The following IQSEC1 variants were observed in gnomAD, a reference collection of about 807,000 sequenced individuals.
IQSEC1 encodes the protein IQ motif and SEC7 domain-containing protein 1.
IQSEC1 carries 31 observed loss-of-function variants against 91.0 expected under a neutral mutation model. That is an observed-to-expected ratio of 0.34 (90% CI 0.26 to 0.46). The LOEUF (loss-of-function observed/expected upper bound fraction) is 0.46, where lower values mean the gene tolerates loss of function less well. Ranked by LOEUF, IQSEC1 falls within the 20% of genes least tolerant of loss-of-function variation. IQSEC1 has a pLI of 1.00. For synonymous variants in IQSEC1, 699 were observed against 662.6 expected (o/e 1.05, Z -0.84); for missense variants, 1,388 against 1,575.6 (o/e 0.88, Z 2.02).
At chr3:13,071,671 A>G (rs1303799603) in intron 1 of IQSEC1, among the ~76,000 whole-genome samples, 2 of 152,192 alleles carry the variant, frequency 1.3e-5, no homozygotes, top group African/African-American at 2.4e-5. Flanking sequence ...CTTCTCCACT[A>G]AAAAAGCAAG....
intron 1 of IQSEC1, among the ~76,000 whole-genome samples, chr3:13,167,479 C>T (rs1275427390): frequency 2.6e-5 from 4 of 152,092 alleles, no homozygotes; most frequent in Non-Finnish European, 5.9e-5. Flanking sequence ...TGGCTGAAGG[C>T]TGCTCCTGGG....
At chr3:13,263,862 C>T (rs1306636318) in intron 1 of IQSEC1, among the ~76,000 whole-genome samples, 1 of 152,134 alleles carries the variant, frequency 6.6e-6, no homozygotes, top group South Asian at 2.1e-4. Context: ...TGCTGGTGAC[C>T]TCAGCCAAGC....
In IQSEC1 at chr3:12,909,254, C is replaced by T; in HGVS notation, c.2578+19G>A. 1 of 1,612,310 alleles carries T rather than the reference C, an allele frequency of 6.2e-7. No homozygotes were observed. Among genetic ancestry groups the T allele is most frequent in the East Asian group, 2.2e-5 (1 of 44,852 alleles). ...GTCTGGCAAGTCTCGGCCTTCTGTC[C>T]ATGAGGCCTGGTACTCACACTCTAT... On this transcript the variant is annotated intron_variant, in intron 11 of 13. Coordinates refer to ENST00000613206, the MANE Select transcript of IQSEC1 (RefSeq NM_001134382.3). The surrounding 1 kb of genome is among the most constrained non-coding windows in gnomAD (Gnocchi z 4.9).
chr3:13,218,636 T>C (rs1477517926), intron 1 of IQSEC1, among the ~76,000 whole-genome samples: 1 of 152,254 alleles, frequency 6.6e-6, no homozygotes, highest in Non-Finnish European at 1.5e-5. Context: ...TCATGTGCTC[T>C]ATTTGCTCCT....
At chr3:13,239,395 C>A (rs908455290) in intron 1 of IQSEC1, among the ~76,000 whole-genome samples, 1 of 152,224 alleles carries the variant, frequency 6.6e-6, no homozygotes, top group Admixed American at 6.5e-5. Context: ...GGCACACCGC[C>A]GGGCGTGGTC....
intron 1 of IQSEC1, among the ~76,000 whole-genome samples, chr3:13,226,545 A>G (rs1181305138): frequency 2.6e-5 from 4 of 151,434 alleles, no homozygotes; most frequent in Non-Finnish European, 2.9e-5. Flanking sequence ...TGAGGTCAGG[A>G]GTTCAAGACC....
chr3:13,055,098 C>A (rs780871664), intron 1 of IQSEC1, among the ~76,000 whole-genome samples: 1 of 152,228 alleles, frequency 6.6e-6, no homozygotes, highest in African/African-American at 2.4e-5. Context: ...GCCCTGCCTG[C>A]GGGCTTGGGG....
At chr3:13,082,832 T>C (rs1705667879) in intron 2 of IQSEC1, among the ~76,000 whole-genome samples, 1 of 152,248 alleles carries the variant, frequency 6.6e-6, no homozygotes, top group East Asian at 1.9e-4. Context: ...CCCCGACTCA[T>C]GCCACTCCAG....
exon 1 of IQSEC1, among the ~76,000 whole-genome samples, chr3:13,283,159 C>A (rs1695833078): frequency 6.9e-6 from 1 of 145,252 alleles, no homozygotes; most frequent in Non-Finnish European, 1.5e-5. Flanking sequence ...TCCTGCTCCC[C>A]GCGCCGCCGC....
At chr3:12,919,316 GCTCTAAGC>G (rs1244958404) in intron 6 of IQSEC1, among the ~76,000 whole-genome samples, 2 of 152,334 alleles carry the variant, frequency 1.3e-5, no homozygotes, top group East Asian at 3.9e-4. Context: ...CTGTCCATGA[GCTCTAAGC>G]CACGCCCCAG....
At chr3:13,236,606 C>T (rs1036248932) in intron 1 of IQSEC1, among the ~76,000 whole-genome samples, 2 of 152,194 alleles carry the variant, frequency 1.3e-5, no homozygotes, top group Non-Finnish European at 2.9e-5. Flanking sequence ...CTCACTGAGC[C>T]AACCATCCCC....
In IQSEC1 at chr3:12,935,303, G is replaced by A; in HGVS notation, c.1568+145C>T. 1 of 772,724 alleles carries A rather than the reference G, an allele frequency of 1.3e-6. No individual in the cohort carries two copies. The highest frequency in any genetic ancestry group is 2.1e-6 in the Non-Finnish European group (1 of 485,406). 47.9% of individuals were successfully genotyped at this position (772,724 alleles called of 1,614,324 possible). A position where few individuals can be genotyped will look rare whatever the true frequency, so the allele number is the denominator to read the frequency against. On this transcript the variant is annotated intron_variant, in intron 3 of 13. Transcript: ENST00000613206. This position sits in a 1 kb window ranked among gnomAD's most constrained non-coding sequence, Gnocchi z 8.0. ...CAGCGCACAGGCTGGCACCGTCCTA[G>A]CCACCGACCTTGTGTGGCAGCTTCC...
At chr3:13,202,804 C>T (rs1342507536) in intron 1 of IQSEC1, among the ~76,000 whole-genome samples, 1 of 152,142 alleles carries the variant, frequency 6.6e-6, no homozygotes, top group Non-Finnish European at 1.5e-5. Context: ...CATTGCACCA[C>T]GATAAAAAAA....
rs530280153 is a variant in IQSEC1 at position 13,135,648 on chromosome 3, G to C, written c.302+28456C>G. On this transcript the variant is annotated intron_variant, in intron 2 of 15. Coordinates refer to the IQSEC1 transcript ENST00000648114. ...CCAGTGGGCTCCCAGGCAAGGAGCC[G>C]GAGTGGGTGGAGAGAAGGGGGTCTC... Among the ~76,000 whole-genome samples the C allele has an allele frequency of 1.4e-4, 22 of 152,350 alleles. No individual in the cohort carries two copies. In the East Asian group the frequency reaches 3.3e-3, roughly 23 times the overall value.
At chr3:13,026,066 A>T (rs893556670) in intron 1 of IQSEC1, among the ~76,000 whole-genome samples, 3 of 152,160 alleles carry the variant, frequency 2.0e-5, no homozygotes, top group Non-Finnish European at 4.4e-5. Context: ...CTGGTTCCTG[A>T]CGGGGTGGCC....
chr3:12,925,733 T>G (rs1697066183), intron 3 of IQSEC1, among the ~76,000 whole-genome samples: 1 of 152,148 alleles, frequency 6.6e-6, no homozygotes, highest in African/African-American at 2.4e-5. Context: ...GGCAGGGATG[T>G]GCATAGGGCA....
intron 1 of IQSEC1, among the ~76,000 whole-genome samples, chr3:13,273,576 G>T (rs970528994): frequency 2.6e-5 from 4 of 152,144 alleles, no homozygotes; most frequent in African/African-American, 4.8e-5. Context: ...GGGTGGGGCC[G>T]TGTGCCTTCA....
chr3:12,996,144 G>C (rs1194909702), intron 1 of IQSEC1, among the ~76,000 whole-genome samples: 1 of 152,192 alleles, frequency 6.6e-6, no homozygotes, highest in African/African-American at 2.4e-5. Flanking sequence ...CTGGGCAACA[G>C]AGCAAGACTT....
At chr3:13,231,888 T>C (rs1428129695) in intron 1 of IQSEC1, among the ~76,000 whole-genome samples, 1 of 152,238 alleles carries the variant, frequency 6.6e-6, no homozygotes. Context: ...ATGCCGTGCA[T>C]GACTTCTGAG....
Sources: allele counts gnomAD v4.1 joint callset (sites outside exome capture counted in the v4.1 genomes callset), GRCh38; gene constraint gnomAD v4.1.1; non-coding constraint Gnocchi (gnomAD v3.1); transcripts MANE v1.5; gene names NCBI Gene and HGNC (gene_info 2026-07-23, HGNC 2026-07-21).